NAPB: variants seen among roughly 807,000 people sequenced by gnomAD.
NAPB encodes the protein beta-soluble NSF attachment protein.
Under a neutral mutation model 44.7 loss-of-function variants are expected in NAPB, and 26 were observed. That is an observed-to-expected ratio of 0.58 (90% CI 0.43 to 0.81). The LOEUF (loss-of-function observed/expected upper bound fraction) is 0.81, where lower values mean the gene tolerates loss of function less well. NAPB is among the 30% of genes least tolerant of loss of function. The probability of loss-of-function intolerance (pLI) is 0.00; values close to 1 mark genes in which losing one functional copy is unlikely to be tolerated. For synonymous variants in NAPB, 120 were observed against 116.8 expected (o/e 1.03, Z -0.18); for missense variants, 315 against 356.4 (o/e 0.88, Z 0.94).
chr20:23,379,573 A>G, intron 9 of NAPB, 78 bp from the exon 10 acceptor site: 1 of 1,125,250 alleles, frequency 8.9e-7, no homozygotes, highest in Non-Finnish European at 1.3e-6. Flanking sequence ...TAAGTATAAT[A>G]CCAATGTTGC....
At chr20:23,412,701 A>G (rs1300498635) in intron 1 of NAPB, among the ~76,000 whole-genome samples, 1 of 152,236 alleles carries the variant, frequency 6.6e-6, no homozygotes, top group Non-Finnish European at 1.5e-5. Context: ...AAATTTGATA[A>G]GAAAATATCC....
At chr20:23,419,774 G>A (rs567353130) in intron 1 of NAPB, among the ~76,000 whole-genome samples, 2 of 152,220 alleles carry the variant, frequency 1.3e-5, no homozygotes, top group Non-Finnish European at 2.9e-5. Context: ...AACCAGCTGT[G>A]ATAAACGTCC....
chr20:23,403,544 A>C (rs1237556612), intron 1 of NAPB, among the ~76,000 whole-genome samples: 3 of 147,144 alleles, frequency 2.0e-5, no homozygotes, highest in African/African-American at 7.4e-5. Flanking sequence ...CAGAGGTTGT[A>C]GTGAGCTGAG....
chr20:23,380,014 G>T, intron 8 of NAPB, 79 bp from the exon 9 acceptor site: 1 of 1,135,134 alleles, frequency 8.8e-7, no homozygotes, highest in Non-Finnish European at 1.3e-6. Flanking sequence ...CTTCAAATAA[G>T]ATCTACCTAT....
chr20:23,389,232 A>T (rs939666673), intron 7 of NAPB, among the ~76,000 whole-genome samples: 9 of 43,478 alleles, frequency 2.1e-4, no homozygotes, highest in African/African-American at 1.8e-3. Flanking sequence ...ACTATTATTT[A>T]AAAAAAAAAA....
chr20:23,414,072 C>T (rs1985841740), intron 1 of NAPB, among the ~76,000 whole-genome samples: 1 of 152,182 alleles, frequency 6.6e-6, no homozygotes. Context: ...CCTGTAATCC[C>T]AGCCCTGTGG....
chr20:23,396,277 A>G (rs1486669714), intron 3 of NAPB, among the ~76,000 whole-genome samples: 6 of 152,138 alleles, frequency 3.9e-5, no homozygotes. Context: ...CAATGTTACC[A>G]CTCTAACAGC....
At chr20:23,420,424 G>GC (rs139584384) in intron 1 of NAPB, among the ~76,000 whole-genome samples, 11,377 of 152,192 alleles carry the variant, frequency 0.075, 650 homozygotes, top group East Asian at 0.29. Flanking sequence ...TGTACTCGGC[G>GC]CAAGGCCCCT....
intron 2 of NAPB, 113 bp from the exon 3 acceptor site, chr20:23,397,301 T>A: frequency 7.6e-7 from 1 of 1,310,558 alleles, no homozygotes; most frequent in South Asian, 1.7e-5. Flanking sequence ...AGAAGCATTC[T>A]AGTCAGAAGC....
chr20:23,390,384 C>G, intron 5 of NAPB, 120 bp from the exon 6 acceptor site: 1 of 767,286 alleles, frequency 1.3e-6, no homozygotes, highest in South Asian at 1.7e-5. Context: ...TTTCACAACT[C>G]GGCCTACTTT....
At chr20:23,397,708 GAA>G in intron 2 of NAPB, among the ~76,000 whole-genome samples, 1 of 152,114 alleles carries the variant, frequency 6.6e-6, no homozygotes, top group Non-Finnish European at 1.5e-5. Context: ...TTGAAATCCA[GAA>G]AAGTCTAAAA....
At chr20:23,409,815 A>C (rs1200608642) in intron 1 of NAPB, among the ~76,000 whole-genome samples, 2 of 152,226 alleles carry the variant, frequency 1.3e-5, no homozygotes, top group Non-Finnish European at 2.9e-5. Context: ...CCTCCATTAA[A>C]TATAATTTAG....
intron 1 of NAPB, among the ~76,000 whole-genome samples, chr20:23,408,113 T>C (rs532412324): frequency 3.6e-4 from 55 of 152,282 alleles, no homozygotes; most frequent in Middle Eastern, 3.4e-3. Context: ...GACAGTACTA[T>C]GAAGATAAGC....
At chr20:23,389,544 T>C (rs962738530) in intron 7 of NAPB, among the ~76,000 whole-genome samples, 1 of 152,200 alleles carries the variant, frequency 6.6e-6, no homozygotes, top group African/African-American at 2.4e-5. Flanking sequence ...CATGAGGTAT[T>C]AGCCACGAAA....
At chr20:23,417,049 C>T (rs147546585) in intron 1 of NAPB, among the ~76,000 whole-genome samples, 12 of 151,602 alleles carry the variant, frequency 7.9e-5, no homozygotes, top group African/African-American at 2.4e-4. Context: ...AGGAAGACAG[C>T]ATTAACCATA....
At chr20:23,385,492 G>C (rs1380072892) in intron 7 of NAPB, among the ~76,000 whole-genome samples, 3 of 152,158 alleles carry the variant, frequency 2.0e-5, no homozygotes, top group Non-Finnish European at 4.4e-5. Context: ...AATCGCAGTG[G>C]CTCACACCTG....
intron 7 of NAPB, among the ~76,000 whole-genome samples, chr20:23,382,102 G>C (rs1475063795): frequency 6.6e-6 from 1 of 152,216 alleles, no homozygotes; most frequent in Non-Finnish European, 1.5e-5. Flanking sequence ...CTGGTGTGCT[G>C]TCAGAAGAGG....
intron 1 of NAPB, among the ~76,000 whole-genome samples, chr20:23,414,423 C>T (rs1238937696): frequency 6.6e-5 from 10 of 152,130 alleles, no homozygotes; most frequent in African/African-American, 4.8e-5. Flanking sequence ...CAGTACAATA[C>T]GAGGCCTCAT....
intron 5 of NAPB, 45 bp downstream of exon 5, chr20:23,394,877 C>T: frequency 1.3e-6 from 2 of 1,577,382 alleles, no homozygotes; most frequent in Non-Finnish European, 1.7e-6. Flanking sequence ...TTTGAGTCAG[C>T]TTATCTGCCT....
Sources: gnomAD v4.1 joint callset for allele counts (sites outside exome capture counted in the v4.1 genomes callset) on GRCh38, gnomAD v4.1.1 for gene constraint, MANE v1.5 for transcripts, NCBI Gene and HGNC (gene_info 2026-07-23, HGNC 2026-07-21) for gene names.